The following SMARCE1 variants were observed in gnomAD, a reference collection of about 807,000 sequenced individuals.
SMARCE1 encodes SWI/SNF-related matrix-associated actin-dependent regulator of chromatin subfamily E member 1.
SMARCE1 carries 13 observed loss-of-function variants against 54.9 expected under a neutral mutation model. That is an observed-to-expected ratio of 0.24 (90% CI 0.15 to 0.38). The LOEUF is 0.38. SMARCE1 is among the 10% of genes least tolerant of loss of function. SMARCE1 has a pLI of 1.00. For synonymous variants in SMARCE1, 151 were observed against 175.3 expected (o/e 0.86, Z 1.10); for missense variants, 295 against 523.8 (o/e 0.56, Z 4.26).
intron 10 of SMARCE1, chr17:40,629,380 T>C (rs1367718525): frequency 2.2e-6 from 1 of 444,980 alleles, no homozygotes; most frequent in Non-Finnish European, 3.7e-6. Context: ...ACACTTGTTT[T>C]GCTTAACTTT....
Position 40,642,785 on chromosome 17 carries a change from C to G in SMARCE1, c.52-226G>C, listed in dbSNP as rs1387147504. On this transcript the variant is annotated intron_variant, in intron 3 of 10. Transcript: ENST00000348513. This position sits in a 1 kb window ranked among gnomAD's most constrained non-coding sequence, Gnocchi z 4.6. ...TGGTTGTTTTTCTCTTTCTTTTTTG[C>G]AGGGGCTGGGGGTGTTTGTGTGACT... 2.7e-5 allele frequency: 14 copies of G among 522,148 alleles called. No individual in the cohort carries two copies. In the East Asian group the frequency reaches 4.6e-4, roughly 17 times the overall value. 32.3% of individuals were successfully genotyped at this position (522,148 alleles called of 1,614,324 possible). A position where few individuals can be genotyped will look rare whatever the true frequency, so the allele number is the denominator to read the frequency against.
chr17:40,629,231 T>A (rs976963027), intron 10 of SMARCE1: 2 of 523,764 alleles, frequency 3.8e-6, no homozygotes, highest in Non-Finnish European at 6.7e-6. Context: ...ATCAAATACT[T>A]CCGATGAAAA....
rs370781917 is a variant in SMARCE1 at position 40,644,376 on chromosome 17, T to C, written c.51+1200A>G. 4 of 152,104 alleles carry C rather than the reference T, an allele frequency of 2.6e-5. No individual in the cohort carries two copies. The East Asian group carries it at 7.7e-4, about 29-fold the overall frequency. The allele number at this position is 152,104 out of a possible 1,614,324, so 9.4% of individuals were successfully genotyped here. On this transcript the variant is annotated intron_variant, in intron 3 of 10. Coordinates refer to ENST00000348513, the MANE Select transcript of SMARCE1 (RefSeq NM_003079.5). ...AAAAAAAATGGAAAGCAAAACATTA[T>C]AATTATACCATTTCCAAAGCTGAAG...
Position 40,630,751 on chromosome 17 carries a change from C to T in SMARCE1, c.990G>A (p.Glu330=), listed in dbSNP as rs754175611. The change falls in exon 10 of 11, where the codon GAG becomes GAA. Residue 330 remains glutamate, a synonymous_variant. Transcript: ENST00000348513. ...PEEEQAANKG[E]EKKDDENIPM... ...GAATGTTCTCGTCGTCTTTCTTCTCCTCGCCTTTGTTAGCTGCTTGTTCTT... is the reference window on the plus strand; with the variant it reads ...GAATGTTCTCGTCGTCTTTCTTCTCTTCGCCTTTGTTAGCTGCTTGTTCTT... 8.1e-6 allele frequency: 13 copies of T among 1,614,026 alleles called. No individual in the cohort carries two copies. Among genetic ancestry groups the T allele is most frequent in the Non-Finnish European group, 1.0e-5 (12 of 1,180,038 alleles).
intron 4 of SMARCE1, among the ~76,000 whole-genome samples, chr17:40,638,864 C>T (rs1319015754): frequency 6.6e-6 from 1 of 152,164 alleles, no homozygotes; most frequent in African/African-American, 2.4e-5. Flanking sequence ...TACTCCTCCA[C>T]TCTGGGCTGG....
At chr17:40,644,854 C>G (rs1258714721) in intron 3 of SMARCE1, 1 of 151,850 alleles carries the variant, frequency 6.6e-6, no homozygotes, top group African/African-American at 2.4e-5. Flanking sequence ...TAAAAACAAA[C>G]AAAACCCCCC....
At chr17:40,645,396 T>C (rs2037245954) in intron 3 of SMARCE1, 180 bp downstream of exon 3, 2 of 486,838 alleles carry the variant, frequency 4.1e-6, no homozygotes, top group Admixed American at 4.2e-5. Context: ...AATGTTGGGG[T>C]TGGTTCAAGG....
At chr17:40,647,572 GC>G (rs915424712) in intron 1 of SMARCE1, 200 bp downstream of exon 1, 1 of 152,840 alleles carries the variant, frequency 6.5e-6, no homozygotes, top group African/African-American at 2.4e-5. Flanking sequence ...GACTGGCCTT[GC>G]CTCCAAGGAG....
chr17:40,635,999 C>T lies in SMARCE1; in HGVS notation c.473G>A (p.Arg158Gln), dbSNP rs757138170. 2 of 1,613,442 alleles carry T rather than the reference C, an allele frequency of 1.2e-6. No individual in the cohort carries two copies. Among genetic ancestry groups the T allele is most frequent in the Non-Finnish European group, 1.7e-6 (2 of 1,179,750 alleles). Residue 158 changes from arginine to glutamine, a missense_variant, in exon 7 of 11, where the codon CGA becomes CAA. Physicochemically the swap from Arg to Gln is conservative, Grantham distance 43 (BLOSUM62 1). This residue lies in a region of SMARCE1 where 101 missense variants were observed against 183.1 expected (regional missense o/e 0.55). Coordinates refer to ENST00000348513, the MANE Select transcript of SMARCE1 (RefSeq NM_003079.5). ...RAEAALEEES[R>Q]QRQSRMEKGE... ...TTTCTCCATGCGAGATTGTCTCTGT[C>T]GACTTTCTTCCTCTAAAGCAGCTTC...
At chr17:40,636,573 T>A in intron 5 of SMARCE1, 47 bp from the exon 6 acceptor site, 1 of 1,481,832 alleles carries the variant, frequency 6.7e-7, no homozygotes, top group Non-Finnish European at 9.3e-7. Flanking sequence ...TCTAAACGTA[T>A]AGACCTTTAA....
At chr17:40,633,376 A>T (rs2037115019) in intron 7 of SMARCE1, 2 of 151,898 alleles carry the variant, frequency 1.3e-5, no homozygotes, top group African/African-American at 4.8e-5. Context: ...TCACCTTCAT[A>T]GTTTTTCATA....
At chr17:40,635,332 T>C (rs573467233) in intron 7 of SMARCE1, 1 of 151,764 alleles carries the variant, frequency 6.6e-6, no homozygotes, top group East Asian at 1.9e-4. Context: ...CTTCAGACCC[T>C]GCCTGGCTGC....
At chr17:40,644,644 GT>G (rs896340862) in intron 3 of SMARCE1, 12 of 152,256 alleles carry the variant, frequency 7.9e-5, no homozygotes, top group Admixed American at 7.2e-4. Context: ...AAAACAAATT[GT>G]TGATAAATGT....
chr17:40,637,753 A>G, intron 4 of SMARCE1, 181 bp from the exon 5 acceptor site: 1 of 584,338 alleles, frequency 1.7e-6, no homozygotes. Context: ...TTAAGCACAT[A>G]ATTTTTAAAT....
At chr17:40,636,316 T>G in intron 6 of SMARCE1, 79 bp downstream of exon 6, 1 of 1,467,040 alleles carries the variant, frequency 6.8e-7, no homozygotes, top group Non-Finnish European at 9.5e-7. Flanking sequence ...GACCAAATCT[T>G]ATGTTACTTT....
chr17:40,638,436 T>G (rs1340015980), intron 4 of SMARCE1, among the ~76,000 whole-genome samples: 1 of 151,938 alleles, frequency 6.6e-6, no homozygotes, highest in Non-Finnish European at 1.5e-5. Flanking sequence ...GAAAAATATT[T>G]TTTAAAAAGG....
At chr17:40,643,605 A>C (rs1379922818) in intron 3 of SMARCE1, 1 of 152,248 alleles carries the variant, frequency 6.6e-6, no homozygotes, top group East Asian at 1.9e-4. Context: ...TGTAAAATTC[A>C]ATCAAAATAT....
intron 9 of SMARCE1, 34 bp downstream of exon 9, chr17:40,631,558 T>G: frequency 9.6e-7 from 1 of 1,045,916 alleles, no homozygotes; most frequent in Non-Finnish European, 1.5e-6. Flanking sequence ...ACAGGTATAG[T>G]GATAAAAGTA....
chr17:40,630,168 G>T, intron 10 of SMARCE1: 2 of 1,032,256 alleles, frequency 1.9e-6, no homozygotes, highest in Non-Finnish European at 2.9e-6. Context: ...AGTACTTTAT[G>T]TAAGTTTTAT....
Sources: allele counts gnomAD v4.1 joint callset (sites outside exome capture counted in the v4.1 genomes callset), GRCh38; gene constraint gnomAD v4.1.1; regional missense constraint gnomAD v4.1.1; non-coding constraint Gnocchi (gnomAD v3.1); transcripts MANE v1.5; gene names NCBI Gene and HGNC (gene_info 2026-07-23, HGNC 2026-07-21).